Variants in EDIL3 observed in about 807,000 individuals in gnomAD.
EDIL3 encodes EGF-like repeat and discoidin I-like domain-containing protein 3.
In EDIL3, 37 loss-of-function variants were observed where a neutral mutation model predicts 67.4. That is an observed-to-expected ratio of 0.55 (90% confidence interval 0.42 to 0.72). The LOEUF (loss-of-function observed/expected upper bound fraction) is 0.72. Among genes scored for constraint, EDIL3 ranks in the 30% least tolerant of loss-of-function variants. The pLI, the probability that EDIL3 is intolerant of heterozygous loss-of-function variation, is 0.00. For missense variants in EDIL3, 527 were observed against 586.3 expected (o/e 0.90, Z 1.04); for synonymous variants, 195 against 196.3 (o/e 0.99, Z 0.05).
intron 1 of EDIL3, among the ~76,000 whole-genome samples, chr5:84,259,401 T>TGTA (rs1745183868): frequency 6.6e-6 from 1 of 152,222 alleles, no homozygotes; most frequent in Non-Finnish European, 1.5e-5. Context: ...TTGTAATGTG[T>TGTA]GTAGCATTAT....
intron 1 of EDIL3, among the ~76,000 whole-genome samples, chr5:84,286,608 T>C (rs1399425896): frequency 3.9e-5 from 6 of 152,202 alleles, no homozygotes; most frequent in Non-Finnish European, 8.8e-5. Context: ...ACATATTTAG[T>C]TGGAGTCTTT....
intron 1 of EDIL3, among the ~76,000 whole-genome samples, chr5:84,317,528 C>A (rs1746540757): frequency 6.6e-6 from 1 of 152,146 alleles, no homozygotes; most frequent in African/African-American, 2.4e-5. Context: ...CATACACCCT[C>A]CCAAGACTAA....
In EDIL3 at chr5:84,196,455, C is replaced by A. The variant is rs937612578; in HGVS notation, c.227-15934G>T. 5.9e-5 allele frequency among the ~76,000 whole-genome samples: 9 copies of A among 152,090 alleles called. No individual in the cohort carries two copies. In the South Asian group the frequency reaches 8.3e-4, roughly 14 times the overall value. ...TTCTCTCTTATTGTGATCTTGTTTTCTCAATGGCTTTAACGCCTTCTAACA... is the reference window on the plus strand; with the variant it reads ...TTCTCTCTTATTGTGATCTTGTTTTATCAATGGCTTTAACGCCTTCTAACA... On this transcript the variant is annotated intron_variant, in intron 3 of 10. Transcript: ENST00000296591.
chr5:84,155,777 C>T (rs921722699), intron 4 of EDIL3, among the ~76,000 whole-genome samples: 1 of 151,972 alleles, frequency 6.6e-6, no homozygotes. Flanking sequence ...CTTTATGATC[C>T]TAATTAAGAT....
intron 6 of EDIL3, among the ~76,000 whole-genome samples, chr5:84,092,103 T>C (rs1747178350): frequency 1.3e-5 from 2 of 152,074 alleles, no homozygotes; most frequent in African/African-American, 4.8e-5. Flanking sequence ...ATTTAACTGG[T>C]CATGTGAAGA....
intron 3 of EDIL3, among the ~76,000 whole-genome samples, chr5:84,220,564 T>C (rs1248219294): frequency 1.3e-5 from 2 of 152,126 alleles, no homozygotes; most frequent in East Asian, 1.9e-4. Context: ...AAAAGAGATG[T>C]TATGACCATG....
chr5:83,961,912 T>C (rs1016330781), intron 10 of EDIL3, among the ~76,000 whole-genome samples: 1 of 151,424 alleles, frequency 6.6e-6, no homozygotes, highest in Non-Finnish European at 1.5e-5. Flanking sequence ...CTCAATTAAA[T>C]TGTGATGTAA....
At chr5:84,375,099 G>A (rs1747941067) in intron 1 of EDIL3, among the ~76,000 whole-genome samples, 1 of 151,848 alleles carries the variant, frequency 6.6e-6, no homozygotes, top group Non-Finnish European at 1.5e-5. Context: ...AGCCTCCTGA[G>A]TAGCTGGGAC....
At chr5:84,374,676 G>A (rs1747929178) in intron 1 of EDIL3, among the ~76,000 whole-genome samples, 2 of 152,146 alleles carry the variant, frequency 1.3e-5, no homozygotes, top group Admixed American at 1.3e-4. Flanking sequence ...TGTTGAGGGA[G>A]GGACCTGTAA....
intron 6 of EDIL3, among the ~76,000 whole-genome samples, chr5:84,092,187 T>G (rs1747179705): frequency 6.6e-6 from 1 of 152,166 alleles, no homozygotes; most frequent in Non-Finnish European, 1.5e-5. Flanking sequence ...AGGTTCTCAA[T>G]TTTGAATTTT....
Position 84,358,592 on chromosome 5 carries a change from C to CTTT in EDIL3, c.67+25713_67+25715dup, listed in dbSNP as rs756013675. Reference sequence around the variant, plus strand: ...GCATAAGACAGTATTCATTTTTATCCTTTTTTTTTTTTTTTTTTTTTTTTT... The same window carrying CTTT: ...GCATAAGACAGTATTCATTTTTATCCTTTTTTTTTTTTTTTTTTTTTTTTTTTT... On this transcript the variant is annotated intron_variant, in intron 1 of 10. Transcript: ENST00000296591. Among the ~76,000 whole-genome samples, 67 of 94,568 alleles carry CTTT rather than the reference C, an allele frequency of 7.1e-4. 2 individuals carry two copies. Among genetic ancestry groups the CTTT allele is most frequent in the Middle Eastern group, 5.7e-3 (1 of 174 alleles). The allele number at this position is 94,568 out of a possible 152,430, so 62.0% of individuals were successfully genotyped here. A position where few individuals can be genotyped will look rare whatever the true frequency, so the allele number is the denominator to read the frequency against.
At chr5:84,114,924 T>C (rs899896549) in intron 5 of EDIL3, among the ~76,000 whole-genome samples, 3 of 152,244 alleles carry the variant, frequency 2.0e-5, no homozygotes, top group African/African-American at 7.2e-5. Flanking sequence ...TTTTTCCCTC[T>C]GAGACAATAT....
intron 9 of EDIL3, among the ~76,000 whole-genome samples, chr5:84,057,586 A>T (rs1746471625): frequency 6.6e-6 from 1 of 152,170 alleles, no homozygotes; most frequent in Non-Finnish European, 1.5e-5. Context: ...AGAACCTGAA[A>T]ACTTCAATGA....
At chr5:84,302,847 A>G (rs147118054) in intron 1 of EDIL3, among the ~76,000 whole-genome samples, 2,160 of 152,364 alleles carry the variant, frequency 0.014, 54 homozygotes, top group African/African-American at 0.05. Flanking sequence ...CAAAATTTAT[A>G]GAGAAGACTG....
intron 1 of EDIL3, among the ~76,000 whole-genome samples, chr5:84,257,016 A>T (rs766775702): frequency 6.6e-6 from 1 of 152,186 alleles, no homozygotes; most frequent in African/African-American, 2.4e-5. Flanking sequence ...TTACATATTT[A>T]CCTAAAAATA....
rs555361113 is a variant in EDIL3 at position 83,957,624 on chromosome 5, C to T, written c.1293+5581G>A. ...ATATTGCTGCTTCTATTTTTCACAC[C>T]CATGTTGAGAAAGGGAAGGAGGTTG... On this transcript the variant is annotated intron_variant, in intron 10 of 10. Transcript: ENST00000296591. Among the ~76,000 whole-genome samples the T allele has an allele frequency of 9.6e-4, 146 of 151,710 alleles. 1 individual carries two copies. The highest frequency in any genetic ancestry group is 3.4e-3 in the African/African-American group (140 of 41,460).
At chr5:84,336,500 A>C (rs1746988758) in intron 1 of EDIL3, among the ~76,000 whole-genome samples, 1 of 152,184 alleles carries the variant, frequency 6.6e-6, no homozygotes, top group African/African-American at 2.4e-5. Context: ...AAGTAATTAC[A>C]ATAATTCAGG....
chr5:84,264,158 A>C (rs1464725791), intron 1 of EDIL3, among the ~76,000 whole-genome samples: 2 of 152,166 alleles, frequency 1.3e-5, no homozygotes, highest in Admixed American at 1.3e-4. Flanking sequence ...AGGCATGAGA[A>C]TCCCTTGAAC....
At position 84,319,233 on chromosome 5, in the gene EDIL3, G is replaced by T. The variant is rs1166474987; in HGVS notation, c.68-65021C>A. 1.6e-4 allele frequency among the ~76,000 whole-genome samples: 13 copies of T among 82,428 alleles called. 2 individuals carry two copies. The highest frequency in any genetic ancestry group is 5.4e-4 in the African/African-American group (13 of 24,198). The allele number at this position is 82,428 out of a possible 152,430, so 54.1% of individuals were successfully genotyped here. A position where few individuals can be genotyped will look rare whatever the true frequency, so the allele number is the denominator to read the frequency against. On this transcript the variant is annotated intron_variant, in intron 1 of 10. Coordinates refer to ENST00000296591, the MANE Select transcript of EDIL3 (RefSeq NM_005711.5). ...CACGCCTGTAATCCCAGCACTTTGG[G>T]AGGCCGAGGCGGGCGGATCACGAGG...
Sources: allele counts gnomAD v4.1 joint callset (sites outside exome capture counted in the v4.1 genomes callset), GRCh38; gene constraint gnomAD v4.1.1; transcripts MANE v1.5; gene names NCBI Gene and HGNC (gene_info 2026-07-23, HGNC 2026-07-21).